The following SEZ6 variants were observed in gnomAD, a reference collection of about 807,000 sequenced individuals.
SEZ6 encodes seizure related 6 homolog, also known as seizure protein 6 homolog.
A neutral mutation model predicts 101.0 loss-of-function variants in SEZ6; 53 were observed. The observed-to-expected ratio is 0.52, with a 90% CI of 0.42 to 0.66. SEZ6 has a LOEUF of 0.66. SEZ6 is among the 30% of genes least tolerant of loss of function. The pLI, the probability that SEZ6 is intolerant of heterozygous loss-of-function variation, is 0.00. For missense variants in SEZ6, 1,102 were observed against 1,289.4 expected, an observed-to-expected ratio of 0.85 and a Z score of 2.23; for synonymous variants, 488 against 512.2, an observed-to-expected ratio of 0.95 and a Z score of 0.64.
In SEZ6 at chr17:28,960,631, C is replaced by G. The variant is rs775903541; in HGVS notation, c.1450G>C (p.Val484Leu). Reference protein sequence around the residue: ...RNGDNVEAPPVYDSYEVEYLP... With the variant: ...RNGDNVEAPPLYDSYEVEYLP... ...TATTCCACCTCATAGGAATCATACA[C>G]TGGTGGGGCCTCCACGTTGTCCCCA... Residue 484 changes from valine (V) to leucine (L), a missense_variant, in exon 7 of 17, where the codon GTG becomes CTG. Val to Leu is a conservative substitution (Grantham distance 32). This residue lies in a region of SEZ6 where 556 missense variants were observed against 735.1 expected (regional missense o/e 0.76). Transcript: ENST00000317338. 1 of 1,595,718 alleles carries G rather than the reference C, an allele frequency of 6.3e-7. No individual in the cohort carries two copies. The highest frequency in any genetic ancestry group is 8.5e-7 in the Non-Finnish European group (1 of 1,171,290).
intron 15 of SEZ6, 40 bp downstream of exon 15, chr17:28,956,310 G>T: frequency 6.3e-7 from 1 of 1,577,414 alleles, no homozygotes. Flanking sequence ...TAGGAGTGAG[G>T]TATGCAGGTA....
intron 1 of SEZ6, among the ~76,000 whole-genome samples, chr17:29,001,606 G>A (rs1243562808): frequency 6.6e-6 from 1 of 152,222 alleles, no homozygotes; most frequent in East Asian, 1.9e-4. Context: ...CAGGCAGAAA[G>A]GCTGATAAGA....
At chr17:28,988,884 G>A (rs556016303) in intron 1 of SEZ6, among the ~76,000 whole-genome samples, 3 of 152,342 alleles carry the variant, frequency 2.0e-5, no homozygotes, top group African/African-American at 7.2e-5. Flanking sequence ...TGGGACTCAG[G>A]ATGGGGCTGG....
chr17:28,974,405 C>T (rs751131061), intron 3 of SEZ6, among the ~76,000 whole-genome samples: 6 of 152,182 alleles, frequency 3.9e-5, no homozygotes, highest in Admixed American at 6.5e-5. Context: ...TATGCCTAGG[C>T]GCCACCACCA....
chr17:28,999,419 T>C (rs974457664), intron 1 of SEZ6, among the ~76,000 whole-genome samples: 2 of 145,064 alleles, frequency 1.4e-5, no homozygotes, highest in Non-Finnish European at 3.1e-5. Flanking sequence ...CTTCCCACCC[T>C]ACCCCCTCCC....
At chr17:28,968,362 G>T (rs1440136682) in intron 4 of SEZ6, among the ~76,000 whole-genome samples, 1 of 152,256 alleles carries the variant, frequency 6.6e-6, no homozygotes, top group East Asian at 1.9e-4. Context: ...TTCCTTGGAG[G>T]TTGCTCCCCC....
At chr17:28,975,393 C>T (rs895476279) in intron 3 of SEZ6, among the ~76,000 whole-genome samples, 1 of 152,192 alleles carries the variant, frequency 6.6e-6, no homozygotes, top group Non-Finnish European at 1.5e-5. Context: ...CTGGTTCAAT[C>T]TCCCTTTATA....
chr17:28,989,674 C>G (rs2041430323), intron 1 of SEZ6, among the ~76,000 whole-genome samples: 1 of 152,180 alleles, frequency 6.6e-6, no homozygotes, highest in Non-Finnish European at 1.5e-5. Flanking sequence ...CCAGACTGCC[C>G]TTGGTCATTC....
At chr17:29,001,079 G>A (rs2041608997) in intron 1 of SEZ6, among the ~76,000 whole-genome samples, 1 of 152,156 alleles carries the variant, frequency 6.6e-6, no homozygotes, top group African/African-American at 2.4e-5. Context: ...AGGAAAAAAC[G>A]AAGTAAAGGC....
chr17:29,003,020 C>T (rs1159151946), intron 1 of SEZ6, among the ~76,000 whole-genome samples: 1 of 152,154 alleles, frequency 6.6e-6, no homozygotes, highest in Admixed American at 6.5e-5. Flanking sequence ...GTCACACAGC[C>T]ATGGAGGCAG....
At chr17:28,993,453 C>T (rs2041492792) in intron 1 of SEZ6, among the ~76,000 whole-genome samples, 5 of 152,166 alleles carry the variant, frequency 3.3e-5, no homozygotes, top group Admixed American at 3.3e-4. Flanking sequence ...ACTTCTACCA[C>T]CACCATATCA....
Position 28,968,890 on chromosome 17 carries a change from GA to G in SEZ6, c.1054+866del, listed in dbSNP as rs200589403. Among the ~76,000 whole-genome samples, 103 of 152,328 alleles carry G rather than the reference GA, an allele frequency of 6.8e-4. 2 individuals are homozygous for G. The East Asian group carries it at 0.019, about 28-fold the overall frequency. The stretch of plus-strand genomic sequence containing the variant: ...AGCTGACTTTGTGCTCAGAGAGGGG[GA>G]TGGGTAGGAGGGACACAGCTGAGAC... On this transcript the variant is annotated intron_variant, in intron 4 of 16. Transcript: ENST00000317338.
intron 3 of SEZ6, among the ~76,000 whole-genome samples, chr17:28,973,206 G>C (rs1325591480): frequency 6.6e-6 from 1 of 152,144 alleles, no homozygotes; most frequent in African/African-American, 2.4e-5. Flanking sequence ...AGAAGCTAAG[G>C]AACTTGCAAA....
chr17:28,957,347 C>G lies in SEZ6; in HGVS notation c.2494+1G>C, dbSNP rs372983528. The G allele has an allele frequency of 2.5e-6, 4 of 1,612,144 alleles. No homozygotes were observed. Among genetic ancestry groups the G allele is most frequent in the Non-Finnish European group, 3.4e-6 (4 of 1,178,518 alleles). ...TTCCCTCCTACTCAATTGACACTTACGGAGACATTTAGGGGCCCGGTCACT... is the reference window on the plus strand; with the variant it reads ...TTCCCTCCTACTCAATTGACACTTAGGGAGACATTTAGGGGCCCGGTCACT... On this transcript the variant is annotated splice_donor_variant, in intron 12 of 16. Transcript: ENST00000317338. LOFTEE classifies it high-confidence loss of function.
intron 1 of SEZ6, among the ~76,000 whole-genome samples, chr17:28,992,268 CAAAT>C (rs1332450410): frequency 6.6e-6 from 1 of 152,194 alleles, no homozygotes; most frequent in Non-Finnish European, 1.5e-5. Context: ...AGGAAAGTGA[CAAAT>C]AGAGTTTGAA....
Position 28,981,500 on chromosome 17 carries a change from C to A in SEZ6, c.595G>T (p.Val199Phe), listed in dbSNP as rs545759712. 3 of 1,607,088 alleles carry A rather than the reference C, an allele frequency of 1.9e-6. No homozygotes were observed. The South Asian group carries it at 3.3e-5, about 18-fold the overall frequency. Residue 199 changes from valine (V) to phenylalanine (F), a missense_variant, in exon 2 of 17, where the codon GTT becomes TTT. Coordinates refer to ENST00000317338, the MANE Select transcript of SEZ6 (RefSeq NM_178860.5). The part of the protein sequence containing the change: ...GDMGRPWVAE[V>F]VSQGAGIGIQ... Reference sequence around the variant, plus strand: ...CCGATCCCTGCGCCCTGGGACACAACCTCTGCAACCCACGGCCTTCCCATG... The same window carrying A: ...CCGATCCCTGCGCCCTGGGACACAAACTCTGCAACCCACGGCCTTCCCATG...
intron 1 of SEZ6, among the ~76,000 whole-genome samples, chr17:29,004,427 C>T (rs557788480): frequency 2.6e-5 from 4 of 152,324 alleles, no homozygotes; most frequent in African/African-American, 4.8e-5. Context: ...CGTGAGCACA[C>T]GGTTTCAAGT....
At chr17:29,004,996 A>G (rs2041666351) in intron 1 of SEZ6, among the ~76,000 whole-genome samples, 1 of 152,068 alleles carries the variant, frequency 6.6e-6, no homozygotes, top group African/African-American at 2.4e-5. Context: ...GGTCCTCCAG[A>G]GACAAATCTG....
intron 1 of SEZ6, among the ~76,000 whole-genome samples, chr17:28,988,621 C>G (rs1315216623): frequency 6.6e-6 from 1 of 152,212 alleles, no homozygotes; most frequent in East Asian, 1.9e-4. Flanking sequence ...GGACTACCCT[C>G]TCTTCCCCTG....
Sources: gnomAD v4.1 joint callset for allele counts (sites outside exome capture counted in the v4.1 genomes callset) on GRCh38, gnomAD v4.1.1 for gene constraint, gnomAD v4.1.1 regional missense constraint, MANE v1.5 for transcripts, NCBI Gene and HGNC (gene_info 2026-07-23, HGNC 2026-07-21) for gene names.